WWOX: variants seen among roughly 807,000 people sequenced by gnomAD.
WWOX encodes the protein WW domain-containing oxidoreductase.
A neutral mutation model predicts 46.2 loss-of-function variants in WWOX; 69 were observed. The ratio of observed to expected loss-of-function variants is 1.49; its 90% confidence interval spans 1.23 to 1.82. The LOEUF is 1.82. Ranked by LOEUF, WWOX falls within the 40% of genes most tolerant of loss-of-function variation. WWOX has a pLI of 0.00. For synonymous variants in WWOX, 359 were observed against 202.6 expected (o/e 1.77, Z -6.56); for missense variants, 919 against 542.6 (o/e 1.69, Z -6.89).
In WWOX at chr16:78,815,002, G is replaced by A. The variant is rs1015343880; in HGVS notation, c.1056+382250G>A. On this transcript the variant is annotated intron_variant, in intron 8 of 8. Transcript: ENST00000566780. ...TAATTTTCAGGCTTGCTCCCTGCAG[G>A]GTGTCACTTCACCACCTTCCTCTGT... Among the ~76,000 whole-genome samples, 5 of 152,256 alleles carry A rather than the reference G, an allele frequency of 3.3e-5. No individual in the cohort carries two copies. In the East Asian group the frequency reaches 9.7e-4, roughly 30 times the overall value.
At chr16:78,973,254 G>C (rs1171428539) in intron 8 of WWOX, among the ~76,000 whole-genome samples, 1 of 152,196 alleles carries the variant, frequency 6.6e-6, no homozygotes, top group Non-Finnish European at 1.5e-5. Context: ...CTCGTAATGA[G>C]TAATTAAGCC....
intron 8 of WWOX, among the ~76,000 whole-genome samples, chr16:78,772,101 C>T (rs900145282): frequency 6.6e-6 from 1 of 152,092 alleles, no homozygotes; most frequent in Admixed American, 6.6e-5. Context: ...TAGGTAACTT[C>T]ATGTCACAAA....
chr16:78,989,744 G>A (rs887233320), intron 8 of WWOX, among the ~76,000 whole-genome samples: 2 of 148,850 alleles, frequency 1.3e-5, no homozygotes, highest in Admixed American at 6.8e-5. Context: ...CAAAGAGGGC[G>A]GTGAGATGCT....
chr16:79,089,485 C>G (rs930866749), intron 8 of WWOX, among the ~76,000 whole-genome samples: 1 of 152,030 alleles, frequency 6.6e-6, no homozygotes, highest in African/African-American at 2.4e-5. Context: ...GCACACGCCA[C>G]CACGCCTGGC....
chr16:78,957,975 C>A (rs2046202191), intron 8 of WWOX, among the ~76,000 whole-genome samples: 1 of 152,184 alleles, frequency 6.6e-6, no homozygotes, highest in South Asian at 2.1e-4. Flanking sequence ...AGTGCCCTCT[C>A]ACTTTCGTTT....
intron 8 of WWOX, among the ~76,000 whole-genome samples, chr16:78,820,421 C>T (rs12448854): frequency 6.6e-6 from 1 of 152,006 alleles, no homozygotes; most frequent in Non-Finnish European, 1.5e-5. Context: ...TCTCAGTATT[C>T]CTAATTCATT....
At chr16:78,842,878 G>A (rs1372784325) in intron 8 of WWOX, among the ~76,000 whole-genome samples, 1 of 149,704 alleles carries the variant, frequency 6.7e-6, no homozygotes, top group Non-Finnish European at 1.5e-5. Context: ...TAGAATACAA[G>A]GGGGGATAAA....
chr16:79,072,513 A>T, intron 8 of WWOX, among the ~76,000 whole-genome samples: 1 of 152,156 alleles, frequency 6.6e-6, no homozygotes. Flanking sequence ...GAAAAGCTAC[A>T]CCATTCATCT....
At chr16:78,975,144 A>T (rs1362604577) in intron 8 of WWOX, among the ~76,000 whole-genome samples, 9 of 152,222 alleles carry the variant, frequency 5.9e-5, no homozygotes, top group Non-Finnish European at 4.4e-5. Context: ...TCCAGTCCTT[A>T]AAAAGTCAAC....
At chr16:79,022,217 C>A (rs1006078536) in intron 8 of WWOX, among the ~76,000 whole-genome samples, 1 of 152,098 alleles carries the variant, frequency 6.6e-6, no homozygotes, top group Non-Finnish European at 1.5e-5. Context: ...GAGCTTTAGG[C>A]TGGGATCAGC....
intron 8 of WWOX, among the ~76,000 whole-genome samples, chr16:79,191,356 C>A (rs545714604): frequency 5.1e-4 from 78 of 152,238 alleles, no homozygotes; most frequent in African/African-American, 1.9e-3. Context: ...GCGCCCAGCC[C>A]ATGACTTCTC....
intron 8 of WWOX, among the ~76,000 whole-genome samples, chr16:79,050,723 A>C (rs913302942): frequency 6.6e-6 from 1 of 152,190 alleles, no homozygotes; most frequent in Non-Finnish European, 1.5e-5. Context: ...GAATGGGGCT[A>C]CATAGGTTGG....
chr16:78,712,051 C>T (rs1040923884), intron 8 of WWOX, among the ~76,000 whole-genome samples: 6 of 152,120 alleles, frequency 3.9e-5, no homozygotes, highest in African/African-American at 1.4e-4. Context: ...CTCTTGGTCT[C>T]CTATATCTTA....
chr16:78,358,200 T>C (rs1441479768), intron 5 of WWOX, among the ~76,000 whole-genome samples: 1 of 152,158 alleles, frequency 6.6e-6, no homozygotes, highest in Non-Finnish European at 1.5e-5. Flanking sequence ...TATCGAAAGA[T>C]AACCTCTTGT....
At chr16:78,394,307 C>T (rs1243613188) in intron 6 of WWOX, among the ~76,000 whole-genome samples, 1 of 152,110 alleles carries the variant, frequency 6.6e-6, no homozygotes, top group Non-Finnish European at 1.5e-5. Flanking sequence ...GTTTTTTGCT[C>T]TAATGAATGC....
At chr16:78,951,622 G>A (rs945561321) in intron 8 of WWOX, among the ~76,000 whole-genome samples, 2 of 152,214 alleles carry the variant, frequency 1.3e-5, no homozygotes, top group African/African-American at 2.4e-5. Flanking sequence ...CCCATCCCAG[G>A]AGACAGTGGC....
At chr16:78,770,543 G>C (rs1160242223) in intron 8 of WWOX, among the ~76,000 whole-genome samples, 1 of 152,108 alleles carries the variant, frequency 6.6e-6, no homozygotes, top group East Asian at 1.9e-4. Flanking sequence ...ATAAAGGTGG[G>C]ACTCACTGGG....
At chr16:79,031,529 G>A (rs1019693079) in intron 8 of WWOX, among the ~76,000 whole-genome samples, 3 of 151,980 alleles carry the variant, frequency 2.0e-5, no homozygotes, top group African/African-American at 7.3e-5. Context: ...AGAAGGAAGG[G>A]AAAAGCTACA....
chr16:78,849,526 A>G (rs930261466), intron 8 of WWOX, among the ~76,000 whole-genome samples: 9 of 142,654 alleles, frequency 6.3e-5, no homozygotes, highest in African/African-American at 2.1e-4. Flanking sequence ...GTGAGCGGAG[A>G]TCGTGACACT....
Sources: allele counts gnomAD v4.1 joint callset (sites outside exome capture counted in the v4.1 genomes callset), GRCh38; gene constraint gnomAD v4.1.1; transcripts MANE v1.5; gene names NCBI Gene and HGNC (gene_info 2026-07-23, HGNC 2026-07-21).